Variants in ROCK2 observed in about 807,000 individuals in gnomAD.
The protein encoded by ROCK2 is Rho associated coiled-coil containing protein kinase 2.
Under a neutral mutation model 195.1 loss-of-function variants are expected in ROCK2, and 61 were observed. The ratio of observed to expected loss-of-function variants is 0.31; its 90% CI spans 0.25 to 0.39. ROCK2 has a LOEUF of 0.39. Among genes scored for constraint, ROCK2 ranks in the 10% least tolerant of loss-of-function variants. The pLI is 1.00. For missense variants in ROCK2, 1,109 were observed against 1,637.4 expected (o/e 0.68, Z 5.57); for synonymous variants, 504 against 545.5 (o/e 0.92, Z 1.06).
chr2:11,209,873 T>C (rs916370718), intron 18 of ROCK2, among the ~76,000 whole-genome samples: 4 of 152,240 alleles, frequency 2.6e-5, no homozygotes, highest in African/African-American at 4.8e-5. Context: ...GTACTAATAA[T>C]AGCATTTCTA....
At chr2:11,226,793 T>C (rs1026779752) in intron 6 of ROCK2, among the ~76,000 whole-genome samples, 2 of 150,978 alleles carry the variant, frequency 1.3e-5, no homozygotes, top group Non-Finnish European at 2.9e-5. Flanking sequence ...GTGCCTGTAA[T>C]CCTAGCTACT....
intron 3 of ROCK2, among the ~76,000 whole-genome samples, chr2:11,252,931 C>T (rs1665887027): frequency 7.0e-6 from 1 of 142,634 alleles, no homozygotes; most frequent in South Asian, 2.2e-4. Flanking sequence ...TATCCCAGAA[C>T]TTAAAAGTAT....
chr2:11,256,723 GTA>G (rs1414590334), intron 3 of ROCK2, among the ~76,000 whole-genome samples: 1 of 151,266 alleles, frequency 6.6e-6, no homozygotes, highest in African/African-American at 2.5e-5. Context: ...AAGGCAAAGA[GTA>G]TTATAAGAGA....
At chr2:11,233,361 G>A (rs1040732215) in intron 5 of ROCK2, among the ~76,000 whole-genome samples, 15 of 152,134 alleles carry the variant, frequency 9.9e-5, no homozygotes, top group Non-Finnish European at 1.6e-4. Context: ...TGAATAGTAA[G>A]TGTTAGCAAG....
At chr2:11,243,343 T>C (rs1187879816) in intron 4 of ROCK2, among the ~76,000 whole-genome samples, 2 of 152,214 alleles carry the variant, frequency 1.3e-5, no homozygotes, top group Non-Finnish European at 2.9e-5. Context: ...AAAATCTATT[T>C]GAACTTTCCA....
At chr2:11,250,900 C>T (rs1040749229) in intron 3 of ROCK2, among the ~76,000 whole-genome samples, 5 of 152,194 alleles carry the variant, frequency 3.3e-5, no homozygotes, top group African/African-American at 1.2e-4. Flanking sequence ...TGTCATTCCT[C>T]TGCTTAAAAC....
Position 11,330,750 on chromosome 2 carries a change from A to AG in ROCK2, c.141+13245dup, listed in dbSNP as rs1284607894. Among the ~76,000 whole-genome samples the AG allele has an allele frequency of 4.0e-4, 15 of 37,248 alleles. 1 individual carries two copies. The highest frequency in any genetic ancestry group is 1.3e-3 in the South Asian group (1 of 752). 24.4% of individuals were successfully genotyped at this position (37,248 alleles called of 152,430 possible). The stretch of plus-strand genomic sequence containing the variant: ...GAGGGAAGATGAGGAGGGAGGAGGG[A>AG]GGAGGAGGAGGGAGGAGGAGGAGGG... On this transcript the variant is annotated intron_variant, in intron 1 of 32. Coordinates refer to ENST00000315872, the MANE Select transcript of ROCK2 (RefSeq NM_004850.5).
At chr2:11,249,496 T>TA (rs1274699314) in intron 4 of ROCK2, among the ~76,000 whole-genome samples, 165 bp downstream of exon 4, 4 of 152,244 alleles carry the variant, frequency 2.6e-5, no homozygotes, top group Non-Finnish European at 4.4e-5. Context: ...TATGTGGACA[T>TA]ACTGTTTTGG....
intron 27 of ROCK2, among the ~76,000 whole-genome samples, chr2:11,195,554 G>A (rs527412504): frequency 2.0e-5 from 3 of 151,874 alleles, no homozygotes; most frequent in South Asian, 2.1e-4. Context: ...TTGCTCTGTC[G>A]CCCAGGCTGG....
intron 3 of ROCK2, among the ~76,000 whole-genome samples, chr2:11,264,265 G>A (rs1045612509): frequency 6.6e-6 from 1 of 152,190 alleles, no homozygotes; most frequent in Admixed American, 6.5e-5. Context: ...TGCAAAGCAG[G>A]TGTTCATACA....
intron 1 of ROCK2, among the ~76,000 whole-genome samples, chr2:11,332,151 ACCTTTTTT>A (rs1320410450): frequency 1.3e-5 from 2 of 151,848 alleles, no homozygotes; most frequent in Non-Finnish European, 2.9e-5. Flanking sequence ...TAAAAAAAAA[ACCTTTTTT>A]TAATTAAAAA....
rs533867441 is a variant in ROCK2, at chr2:11,201,875, C to T, written c.2619+177G>A. Among the ~76,000 whole-genome samples the T allele has an allele frequency of 6.6e-6, 1 of 152,258 alleles. No homozygotes were observed. The highest frequency in any genetic ancestry group is 1.9e-4 in the East Asian group (1 of 5,188). On this transcript the variant is annotated intron_variant, in intron 21 of 32. Transcript: ENST00000315872. The surrounding 1 kb of genome is among the most constrained non-coding windows in gnomAD (Gnocchi z 4.6). ...TCCTGAAAACAATGCTGTTAATCAG[C>T]TTCACCAGGTATGTTTTGTGCTTAG...
At chr2:11,230,685 T>C (rs1417697274) in intron 5 of ROCK2, among the ~76,000 whole-genome samples, 1 of 152,198 alleles carries the variant, frequency 6.6e-6, no homozygotes, top group Non-Finnish European at 1.5e-5. Context: ...TTTCTCAAAT[T>C]ATTTTATTTT....
chr2:11,184,698 TCATCATCATCAC>T (rs1381406685), intron 32 of ROCK2: 11 of 982,800 alleles, frequency 1.1e-5, no homozygotes, highest in Non-Finnish European at 1.3e-5. Context: ...AAAAACATCG[TCATCATCATCAC>T]CACCACCATC....
At chr2:11,341,491 C>A (rs1168988372) in intron 1 of ROCK2, among the ~76,000 whole-genome samples, 1 of 152,188 alleles carries the variant, frequency 6.6e-6, no homozygotes, top group African/African-American at 2.4e-5. Flanking sequence ...CACGTTATCT[C>A]ATAAAACTTT....
chr2:11,334,663 A>G (rs1465130194), intron 1 of ROCK2, among the ~76,000 whole-genome samples: 1 of 139,872 alleles, frequency 7.1e-6, no homozygotes, highest in Admixed American at 6.9e-5. Flanking sequence ...GGCAATGCTT[A>G]GCATATTAAG....
intron 3 of ROCK2, among the ~76,000 whole-genome samples, chr2:11,254,234 T>C (rs554992019): frequency 6.6e-6 from 1 of 152,086 alleles, no homozygotes; most frequent in Non-Finnish European, 1.5e-5. Flanking sequence ...TTTCGTAAAA[T>C]AAACACAAGA....
intron 1 of ROCK2, chr2:11,308,753 C>T (rs1667942405): frequency 1.9e-6 from 3 of 1,612,528 alleles, no homozygotes; most frequent in African/African-American, 1.3e-5. Context: ...TGAATTCAAA[C>T]ACTACAAGCC....
chr2:11,258,118 C>T (rs1206156650), intron 3 of ROCK2, among the ~76,000 whole-genome samples: 1 of 151,240 alleles, frequency 6.6e-6, no homozygotes, highest in Non-Finnish European at 1.5e-5. Context: ...TTCCCTTACA[C>T]AGGAAACTCC....
Sources: gnomAD v4.1 joint callset for allele counts (sites outside exome capture counted in the v4.1 genomes callset) on GRCh38, gnomAD v4.1.1 for gene constraint, Gnocchi (gnomAD v3.1) non-coding constraint, MANE v1.5 for transcripts, NCBI Gene and HGNC (gene_info 2026-07-23, HGNC 2026-07-21) for gene names.